Variants in ERC2 observed in about 807,000 individuals in gnomAD.
The protein encoded by ERC2 is ERC protein 2.
ERC2 carries 42 observed loss-of-function variants against 114.8 expected under a neutral mutation model. That is an observed-to-expected ratio of 0.37 (90% confidence interval 0.29 to 0.47). The LOEUF (loss-of-function observed/expected upper bound fraction) is 0.47, where lower values mean the gene tolerates loss of function less well. ERC2 is among the 20% of genes least tolerant of loss of function. The probability of loss-of-function intolerance (pLI) is 0.99; values close to 1 mark genes in which losing one functional copy is unlikely to be tolerated. For synonymous variants in ERC2, 454 were observed against 425.5 expected (o/e 1.07, Z -0.82); for missense variants, 939 against 1,150.7 (o/e 0.82, Z 2.66).
chr3:56,223,516 GGC>G (rs2050054255), intron 3 of ERC2, among the ~76,000 whole-genome samples: 1 of 58,352 alleles, frequency 1.7e-5, no homozygotes, highest in South Asian at 1.2e-3. Flanking sequence ...AAAGAAAAAT[GGC>G]AAAAAAAAAA....
At chr3:56,105,661 G>A (rs561299457) in intron 6 of ERC2, among the ~76,000 whole-genome samples, 19 of 152,236 alleles carry the variant, frequency 1.2e-4, no homozygotes, top group South Asian at 6.2e-4. Context: ...CTAGACTTAC[G>A]TTTTAACAGG....
At chr3:56,032,388 T>A (rs1576630808) in intron 7 of ERC2, among the ~76,000 whole-genome samples, 1 of 152,090 alleles carries the variant, frequency 6.6e-6, no homozygotes, top group Admixed American at 6.6e-5. Context: ...AATAAGTCTA[T>A]GGGACTTATG....
At position 55,583,523 on chromosome 3, in the gene ERC2, CCCTT is replaced by C. The variant is rs1228854520; in HGVS notation, c.*40-72251_*40-72248del. ...TCCCTCCCTCCCTCCCTCCCTCCCT[CCCTT>C]CCTTCCTTCCTTCCTTTCTTCCTTC... On this transcript the variant is annotated intron_variant, in intron 17 of 17. Transcript: ENST00000288221. Among the ~76,000 whole-genome samples, 27 of 36,908 alleles carry C rather than the reference CCCTT, an allele frequency of 7.3e-4. 4 individuals carry two copies. Among genetic ancestry groups the C allele is most frequent in the East Asian group, 1.3e-3 (2 of 1,522 alleles). The allele number at this position is 36,908 out of a possible 152,430, so 24.2% of individuals were successfully genotyped here. A position where few individuals can be genotyped will look rare whatever the true frequency, so the allele number is the denominator to read the frequency against.
At chr3:56,288,252 A>AATG (rs1212581149) in intron 3 of ERC2, among the ~76,000 whole-genome samples, 1 of 152,096 alleles carries the variant, frequency 6.6e-6, no homozygotes, top group Non-Finnish European at 1.5e-5. Context: ...CATCATCACA[A>AATG]ATGATGATGA....
chr3:56,296,087 C>T lies in ERC2; in HGVS notation c.1006G>A (p.Glu336Lys), dbSNP rs776169487. Residue 336 changes from glutamate (E) to lysine (K), a missense_variant, in exon 3 of 18, where the codon GAG becomes AAG. Transcript: ENST00000288221. The stretch of plus-strand genomic sequence containing the variant: ...ACTTCCAAGTGGCTGACCTGAGACT[C>T]AGCCTCTGCCATCCGCCGCGTTCGC... ...NERTRRMAEA[E>K]SQVSHLEVIL... is the part of the protein sequence containing the mutation. 2 of 1,613,188 alleles carry T rather than the reference C, an allele frequency of 1.2e-6. No homozygotes were observed. The highest frequency in any genetic ancestry group is 4.5e-5 in the East Asian group (2 of 44,852).
At chr3:55,843,047 T>A (rs1460892966) in intron 14 of ERC2, among the ~76,000 whole-genome samples, 1 of 152,188 alleles carries the variant, frequency 6.6e-6, no homozygotes, top group Non-Finnish European at 1.5e-5. Context: ...TTACGGACAT[T>A]TAGCTGGCCT....
intron 12 of ERC2, among the ~76,000 whole-genome samples, chr3:55,982,225 C>CA (rs1401870624): frequency 7.2e-5 from 11 of 152,150 alleles, no homozygotes; most frequent in African/African-American, 2.4e-4. Flanking sequence ...CAGAACTGCA[C>CA]AGGTTTCCTT....
At chr3:55,939,906 T>C (rs1403012598) in intron 13 of ERC2, among the ~76,000 whole-genome samples, 1 of 152,178 alleles carries the variant, frequency 6.6e-6, no homozygotes, top group Non-Finnish European at 1.5e-5. Context: ...AAAGTAACAA[T>C]TGGTGGATGT....
intron 2 of ERC2, among the ~76,000 whole-genome samples, chr3:56,400,422 C>G (rs758322660): frequency 6.6e-6 from 1 of 152,120 alleles, no homozygotes; most frequent in African/African-American, 2.4e-5. Context: ...AAACTAAAAT[C>G]TGAGCAGTAT....
At chr3:56,112,436 C>CAG (rs2079012216) in intron 6 of ERC2, among the ~76,000 whole-genome samples, 4 of 33,858 alleles carry the variant, frequency 1.2e-4, no homozygotes, top group Non-Finnish European at 2.2e-4. Context: ...CAGACAGACA[C>CAG]ACACACACAC....
chr3:56,347,155 C>G (rs572523953), intron 2 of ERC2, among the ~76,000 whole-genome samples: 3 of 152,168 alleles, frequency 2.0e-5, no homozygotes, highest in Non-Finnish European at 4.4e-5. Flanking sequence ...GAACCAAACT[C>G]TGCTAAATTA....
intron 16 of ERC2, among the ~76,000 whole-genome samples, chr3:55,698,451 A>T (rs2063049040): frequency 6.6e-6 from 1 of 152,172 alleles, no homozygotes. Flanking sequence ...TCGGAGCATC[A>T]CAAGTACCTC....
intron 2 of ERC2, among the ~76,000 whole-genome samples, chr3:56,335,506 T>G (rs572467532): frequency 6.6e-6 from 1 of 152,218 alleles, no homozygotes; most frequent in Non-Finnish European, 1.5e-5. Context: ...AACTCCAGTG[T>G]GCACTGTCTA....
chr3:55,896,965 C>T (rs73075334), intron 13 of ERC2, among the ~76,000 whole-genome samples: 16,074 of 152,230 alleles, frequency 0.11, 1,028 homozygotes, highest in African/African-American at 0.17. Context: ...TTTACTGTAT[C>T]TGAATAATTC....
chr3:55,714,661 GTGTGTGTATATATATATA>G (rs1194464838), intron 15 of ERC2, among the ~76,000 whole-genome samples: 55 of 71,740 alleles, frequency 7.7e-4, no homozygotes, highest in African/African-American at 1.9e-3. Context: ...GTGTGTGTGT[GTGTGTGTATATATATATA>G]TATATATATA....
chr3:55,734,606 G>A (rs2065507787), intron 15 of ERC2, among the ~76,000 whole-genome samples, 165 bp downstream of exon 15: 1 of 152,184 alleles, frequency 6.6e-6, no homozygotes, highest in Admixed American at 6.5e-5. Flanking sequence ...CAGAAAAGCA[G>A]TAAAATGGTG....
chr3:55,514,678 C>T (rs1475183393), intron 17 of ERC2, among the ~76,000 whole-genome samples: 1 of 152,156 alleles, frequency 6.6e-6, no homozygotes, highest in Non-Finnish European at 1.5e-5. Flanking sequence ...ACAGGGACCA[C>T]AGACCTACAA....
rs2059453507 is a variant in ERC2 at position 55,805,522 on chromosome 3, A to C, written c.2565-70604T>G. On this transcript the variant is annotated intron_variant, in intron 14 of 17. Coordinates refer to ENST00000288221, the MANE Select transcript of ERC2 (RefSeq NM_015576.3). The stretch of plus-strand genomic sequence containing the variant: ...GAACCTGGGGTTGCTCGAATGATTG[A>C]CGAGTCCCACCAGCAAGCAGAAGAC... Among the ~76,000 whole-genome samples the C allele has an allele frequency of 1.3e-5, 2 of 151,498 alleles. 1 individual carries two copies. Among genetic ancestry groups the C allele is most frequent in the South Asian group, 4.2e-4 (2 of 4,786 alleles).
chr3:56,019,263 C>T (rs369108056), intron 7 of ERC2, among the ~76,000 whole-genome samples: 29 of 152,118 alleles, frequency 1.9e-4, no homozygotes, highest in African/African-American at 5.6e-4. Context: ...CTCCATACAA[C>T]GGTAAGCCCT....
Sources: allele counts gnomAD v4.1 joint callset (sites outside exome capture counted in the v4.1 genomes callset), GRCh38; gene constraint gnomAD v4.1.1; transcripts MANE v1.5; gene names NCBI Gene and HGNC (gene_info 2026-07-23, HGNC 2026-07-21).